Variants in CNTNAP2 observed in about 807,000 individuals in gnomAD.
The protein encoded by CNTNAP2 is contactin associated protein 2, also known as contactin-associated protein-like 2.
A neutral mutation model predicts 155.2 loss-of-function variants in CNTNAP2; 98 were observed. That is an observed-to-expected ratio of 0.63 (90% CI 0.54 to 0.75). The LOEUF (loss-of-function observed/expected upper bound fraction) is 0.75. Among genes scored for constraint, CNTNAP2 ranks in the 30% least tolerant of loss-of-function variants. The probability of loss-of-function intolerance (pLI) is 0.00; values close to 1 mark genes in which losing one functional copy is unlikely to be tolerated. For synonymous variants in CNTNAP2, 651 were observed against 631.2 expected, an observed-to-expected ratio of 1.03 and a Z score of -0.47; for missense variants, 1,727 against 1,688.1, an observed-to-expected ratio of 1.02 and a Z score of -0.40.
chr7:148,224,401 A>C lies in CNTNAP2; in HGVS notation c.3248-5245A>C, dbSNP rs563535901. 2.6e-5 allele frequency among the ~76,000 whole-genome samples: 4 copies of C among 152,272 alleles called. No homozygotes were observed. In the South Asian group the frequency reaches 8.3e-4, roughly 32 times the overall value. Reference sequence around the variant, plus strand: ...AGGAGCAGCATATTCAAAGGCCCTGAGGTAGGAGGAGATCGTATTTTCTAG... The same window carrying C: ...AGGAGCAGCATATTCAAAGGCCCTGCGGTAGGAGGAGATCGTATTTTCTAG... On this transcript the variant is annotated intron_variant, in intron 19 of 23. Transcript: ENST00000361727.
chr7:147,573,723 A>G (rs1311771597), intron 12 of CNTNAP2, among the ~76,000 whole-genome samples: 2 of 152,194 alleles, frequency 1.3e-5, no homozygotes, highest in African/African-American at 4.8e-5. Context: ...TTTGCTCTCT[A>G]TATCTGGGGT....
At chr7:148,023,730 G>A (rs1802325538) in intron 15 of CNTNAP2, among the ~76,000 whole-genome samples, 1 of 152,168 alleles carries the variant, frequency 6.6e-6, no homozygotes, top group African/African-American at 2.4e-5. Context: ...GTTGGATGCT[G>A]TTTGCTGTCC....
chr7:146,586,988 TTTC>T (rs1266536320), intron 1 of CNTNAP2, among the ~76,000 whole-genome samples: 1 of 152,166 alleles, frequency 6.6e-6, no homozygotes, highest in Non-Finnish European at 1.5e-5. Context: ...TTCTTAAATA[TTTC>T]TTATTAAATA....
At chr7:146,747,220 T>C (rs1049718949) in intron 1 of CNTNAP2, among the ~76,000 whole-genome samples, 1 of 152,188 alleles carries the variant, frequency 6.6e-6, no homozygotes, top group Admixed American at 6.5e-5. Context: ...TTCACATACA[T>C]TATCTGACCT....
At chr7:148,222,518 C>T (rs1477135022) in intron 19 of CNTNAP2, among the ~76,000 whole-genome samples, 3 of 151,302 alleles carry the variant, frequency 2.0e-5, no homozygotes, top group South Asian at 4.1e-4. Context: ...TTCCATGAAT[C>T]GATGAATGGA....
At chr7:148,194,811 G>A (rs1795250891) in intron 18 of CNTNAP2, among the ~76,000 whole-genome samples, 1 of 152,198 alleles carries the variant, frequency 6.6e-6, no homozygotes. Flanking sequence ...GCCCCTCAAT[G>A]GATTGGATGG....
intron 8 of CNTNAP2, among the ~76,000 whole-genome samples, chr7:147,168,404 A>ATT (rs950409058): frequency 4.6e-5 from 7 of 151,882 alleles, no homozygotes; most frequent in African/African-American, 1.2e-4. Flanking sequence ...GTAAATATGG[A>ATT]TTTTCTCCTA....
intron 1 of CNTNAP2, among the ~76,000 whole-genome samples, chr7:146,711,207 CACAT>C (rs1296364861): frequency 1.3e-5 from 2 of 148,370 alleles, no homozygotes; most frequent in Admixed American, 6.8e-5. Flanking sequence ...TACATACACA[CACAT>C]ACACATATAT....
chr7:147,026,977 G>A (rs1798932914), intron 3 of CNTNAP2, among the ~76,000 whole-genome samples: 1 of 141,078 alleles, frequency 7.1e-6, no homozygotes, highest in Admixed American at 7.1e-5. Context: ...GATTACTCCA[G>A]GAGGAAAAAC....
At chr7:146,632,964 C>T (rs965740000) in intron 1 of CNTNAP2, among the ~76,000 whole-genome samples, 1 of 150,748 alleles carries the variant, frequency 6.6e-6, no homozygotes, top group African/African-American at 2.4e-5. Flanking sequence ...TACAAAATAT[C>T]GGAAGAATTA....
At position 146,125,742 on chromosome 7, in the gene CNTNAP2, C is replaced by T. The variant is rs558312380; in HGVS notation, c.97+8769C>T. On this transcript the variant is annotated intron_variant, in intron 1 of 23. Coordinates refer to ENST00000361727, the MANE Select transcript of CNTNAP2 (RefSeq NM_014141.6). ...CAACCTTATTCCAATATTCTAGATACTGAGGGGGTTATTTTTGTGGAATTG... is the reference window on the plus strand; with the variant it reads ...CAACCTTATTCCAATATTCTAGATATTGAGGGGGTTATTTTTGTGGAATTG... 2.3e-4 allele frequency among the ~76,000 whole-genome samples: 35 copies of T among 151,996 alleles called. No individual in the cohort carries two copies. The South Asian group carries it at 5.2e-3, about 23-fold the overall frequency.
At chr7:147,681,209 A>G (rs1486344205) in intron 13 of CNTNAP2, among the ~76,000 whole-genome samples, 2 of 151,954 alleles carry the variant, frequency 1.3e-5, no homozygotes, top group Non-Finnish European at 2.9e-5. Context: ...ACGGATTTGG[A>G]AGCTTACTGT....
intron 15 of CNTNAP2, among the ~76,000 whole-genome samples, chr7:148,032,378 G>C (rs1005333878): frequency 6.6e-6 from 1 of 152,178 alleles, no homozygotes; most frequent in Admixed American, 6.5e-5. Context: ...TCACATCAGT[G>C]TGTGTGCAAC....
chr7:147,190,082 G>T (rs1431596095), intron 8 of CNTNAP2, among the ~76,000 whole-genome samples: 1 of 152,016 alleles, frequency 6.6e-6, no homozygotes, highest in East Asian at 1.9e-4. Flanking sequence ...CCTTCAAGGG[G>T]TATTTGTATC....
At chr7:147,397,770 A>T (rs559569737) in intron 10 of CNTNAP2, among the ~76,000 whole-genome samples, 315 of 145,970 alleles carry the variant, frequency 2.2e-3, no homozygotes, top group African/African-American at 6.9e-3. Context: ...GATACACAAA[A>T]TTTTTTTTTT....
chr7:147,492,581 G>A (rs925077593), intron 11 of CNTNAP2, among the ~76,000 whole-genome samples: 1 of 152,126 alleles, frequency 6.6e-6, no homozygotes, highest in African/African-American at 2.4e-5. Context: ...AAAACACTCA[G>A]GGTTTGAAAT....
At chr7:147,772,285 A>G (rs1316317272) in intron 13 of CNTNAP2, among the ~76,000 whole-genome samples, 1 of 150,836 alleles carries the variant, frequency 6.6e-6, no homozygotes, top group Admixed American at 6.6e-5. Context: ...CCAGCCTGGC[A>G]TGGCGCCTGT....
At chr7:146,178,057 G>A (rs142113091) in intron 1 of CNTNAP2, among the ~76,000 whole-genome samples, 5,017 of 151,540 alleles carry the variant, frequency 0.033, 278 homozygotes, top group African/African-American at 0.12. Flanking sequence ...TTTTTGAGAC[G>A]GAGTCTCGTT....
intron 20 of CNTNAP2, among the ~76,000 whole-genome samples, chr7:148,233,144 T>A (rs1454712715): frequency 2.6e-5 from 4 of 152,234 alleles, no homozygotes; most frequent in African/African-American, 9.6e-5. Context: ...AAGTCTGGCA[T>A]GCAGTGAAAA....
Sources: allele counts gnomAD v4.1 joint callset (sites outside exome capture counted in the v4.1 genomes callset), GRCh38; gene constraint gnomAD v4.1.1; transcripts MANE v1.5; gene names NCBI Gene and HGNC (gene_info 2026-07-23, HGNC 2026-07-21).